ASAP1: variants seen among roughly 807,000 people sequenced by gnomAD.
ASAP1 encodes the protein ArfGAP with SH3 domain, ankyrin repeat and PH domain 1.
ASAP1 carries 43 observed loss-of-function variants against 145.2 expected under a neutral mutation model. The observed-to-expected ratio is 0.30, with a 90% confidence interval of 0.23 to 0.38. The LOEUF (loss-of-function observed/expected upper bound fraction) is 0.38, where lower values mean the gene tolerates loss of function less well. Among genes scored for constraint, ASAP1 ranks in the 10% least tolerant of loss-of-function variants. The pLI is 1.00. For synonymous variants in ASAP1, 546 were observed against 515.5 expected, an observed-to-expected ratio of 1.06 and a Z score of -0.80; for missense variants, 1,018 against 1,355.3, an observed-to-expected ratio of 0.75 and a Z score of 3.91.
At chr8:130,308,075 T>C (rs1823104987) in intron 3 of ASAP1, among the ~76,000 whole-genome samples, 1 of 152,238 alleles carries the variant, frequency 6.6e-6, no homozygotes, top group African/African-American at 2.4e-5. Context: ...GAATTTATAA[T>C]GTTATCACAA....
At chr8:130,294,287 A>G in intron 3 of ASAP1, among the ~76,000 whole-genome samples, 1 of 152,220 alleles carries the variant, frequency 6.6e-6, no homozygotes, top group East Asian at 1.9e-4. Context: ...AGTATTTGGT[A>G]ATGAGTTCTG....
intron 3 of ASAP1, among the ~76,000 whole-genome samples, chr8:130,259,124 G>A (rs764752405): frequency 2.6e-5 from 4 of 152,072 alleles, no homozygotes; most frequent in Non-Finnish European, 5.9e-5. Context: ...GCTGATTTGA[G>A]AAATAACAAT....
chr8:130,139,343 G>C (rs999710012), intron 13 of ASAP1, among the ~76,000 whole-genome samples: 1 of 152,192 alleles, frequency 6.6e-6, no homozygotes, highest in African/African-American at 2.4e-5. Context: ...CCAGAAATAA[G>C]GAAGAACTTC....
intron 27 of ASAP1, among the ~76,000 whole-genome samples, chr8:130,063,726 A>G (rs2097424243): frequency 2.6e-5 from 4 of 152,188 alleles, no homozygotes. Context: ...GTAAGAAGAG[A>G]TGGTCGATTC....
intron 25 of ASAP1, among the ~76,000 whole-genome samples, chr8:130,087,823 CCT>C (rs2097497066): frequency 6.6e-6 from 1 of 152,130 alleles, no homozygotes; most frequent in Admixed American, 6.5e-5. Flanking sequence ...CCAAATCTCC[CCT>C]GTGAATCTGG....
intron 3 of ASAP1, among the ~76,000 whole-genome samples, chr8:130,244,052 TTG>T (rs1818703346): frequency 6.6e-6 from 1 of 152,158 alleles, no homozygotes; most frequent in Non-Finnish European, 1.5e-5. Flanking sequence ...TTTTAAAGAC[TTG>T]TGTTAGTCAC....
intron 3 of ASAP1, among the ~76,000 whole-genome samples, chr8:130,307,160 T>C (rs972046011): frequency 1.3e-5 from 2 of 151,920 alleles, no homozygotes; most frequent in Non-Finnish European, 2.9e-5. Context: ...TTTATCTGTC[T>C]CCCTCTACAA....
intron 23 of ASAP1, among the ~76,000 whole-genome samples, chr8:130,112,740 C>T (rs118024100): frequency 7.9e-5 from 12 of 152,292 alleles, no homozygotes; most frequent in Non-Finnish European, 1.6e-4. Context: ...TTCTTTGCCT[C>T]TTTTCTCATT....
chr8:130,144,157 T>C (rs2097620851), intron 13 of ASAP1, among the ~76,000 whole-genome samples: 1 of 152,206 alleles, frequency 6.6e-6, no homozygotes, highest in African/African-American at 2.4e-5. Context: ...ATTTTTGGCA[T>C]ACAATCAATA....
intron 5 of ASAP1, among the ~76,000 whole-genome samples, chr8:130,206,876 T>A (rs1485247737): frequency 6.6e-6 from 1 of 151,908 alleles, no homozygotes; most frequent in Non-Finnish European, 1.5e-5. Context: ...AAATCTCTGC[T>A]GACTCCTTAA....
intron 3 of ASAP1, among the ~76,000 whole-genome samples, chr8:130,304,181 T>C (rs1420424217): frequency 1.3e-5 from 2 of 151,824 alleles, no homozygotes; most frequent in Non-Finnish European, 2.9e-5. Flanking sequence ...ATTAATGGAG[T>C]AGTCTTTTTT....
chr8:130,074,378 T>C (rs2097457018), intron 27 of ASAP1, among the ~76,000 whole-genome samples: 1 of 151,682 alleles, frequency 6.6e-6, no homozygotes, highest in Non-Finnish European at 1.5e-5. Context: ...GGCTGCAGGA[T>C]ACTATTCTGT....
In ASAP1 at chr8:130,130,648, C is replaced by T. The variant is rs140895461; in HGVS notation, c.1218-2558G>A. On this transcript the variant is annotated intron_variant, in intron 15 of 29. Coordinates refer to ENST00000518721, the MANE Select transcript of ASAP1 (RefSeq NM_018482.4). The stretch of plus-strand genomic sequence containing the variant: ...TTATAAGATAAAAAATAACTTGGCA[C>T]TGTGCTAAGGGCTTTACATAGCTTA... Among the ~76,000 whole-genome samples the T allele has an allele frequency of 5.0e-4, 76 of 152,328 alleles. 2 individuals carry two copies. In the East Asian group the frequency reaches 9.8e-3, roughly 20 times the overall value.
intron 3 of ASAP1, among the ~76,000 whole-genome samples, chr8:130,324,081 C>A (rs948888829): frequency 6.6e-6 from 1 of 152,192 alleles, no homozygotes; most frequent in African/African-American, 2.4e-5. Flanking sequence ...CCAACTAACC[C>A]AAACCCTCTG....
intron 1 of ASAP1, among the ~76,000 whole-genome samples, chr8:130,422,454 C>T (rs1163118393): frequency 1.3e-5 from 2 of 152,226 alleles, no homozygotes; most frequent in African/African-American, 4.8e-5. Flanking sequence ...CGCTTCCTGG[C>T]TCCTGCTCCC....
chr8:130,095,599 C>T (rs2097515889), intron 24 of ASAP1, among the ~76,000 whole-genome samples: 1 of 150,730 alleles, frequency 6.6e-6, no homozygotes. Flanking sequence ...CCATGCCTGG[C>T]CTAAGGCCAG....
intron 3 of ASAP1, among the ~76,000 whole-genome samples, chr8:130,268,678 G>A (rs1271586685): frequency 6.6e-6 from 1 of 152,122 alleles, no homozygotes; most frequent in Non-Finnish European, 1.5e-5. Flanking sequence ...AAATAGTTGG[G>A]TTAGAGTAGT....
intron 2 of ASAP1, among the ~76,000 whole-genome samples, chr8:130,379,470 C>T (rs1440246397): frequency 6.6e-6 from 1 of 152,190 alleles, no homozygotes; most frequent in Non-Finnish European, 1.5e-5. Flanking sequence ...GTTGGTCAGA[C>T]ACACGCAGCC....
At chr8:130,317,335 G>A (rs930716705) in intron 3 of ASAP1, among the ~76,000 whole-genome samples, 2 of 152,090 alleles carry the variant, frequency 1.3e-5, no homozygotes, top group Non-Finnish European at 2.9e-5. Flanking sequence ...AGCCAAAATT[G>A]GGCAAGAGAG....
Sources: allele counts gnomAD v4.1 joint callset (sites outside exome capture counted in the v4.1 genomes callset), GRCh38; gene constraint gnomAD v4.1.1; transcripts MANE v1.5; gene names NCBI Gene and HGNC (gene_info 2026-07-23, HGNC 2026-07-21).